RAB35: variants seen among roughly 807,000 people sequenced by gnomAD.
RAB35 encodes ras-related protein Rab-35.
In RAB35, 4 loss-of-function variants were observed where a neutral mutation model predicts 28.9. That is an observed-to-expected ratio of 0.14 (90% CI 0.07 to 0.32). RAB35 has a LOEUF of 0.32. Among genes scored for constraint, RAB35 ranks in the 10% least tolerant of loss-of-function variants. The probability of loss-of-function intolerance (pLI) is 1.00; values close to 1 mark genes in which losing one functional copy is unlikely to be tolerated. For missense variants in RAB35, 128 were observed against 274.0 expected (o/e 0.47, Z 3.76); for synonymous variants, 99 against 105.1 (o/e 0.94, Z 0.35).
chr12:120,097,159 A>G lies in RAB35; in HGVS notation c.*86T>C. Reference sequence around the variant, plus strand: ...GAGAATTCTTTAAATAACGGCACGAAACTGAGACTGTCCCCCGAGGAACCT... The same window carrying G: ...GAGAATTCTTTAAATAACGGCACGAGACTGAGACTGTCCCCCGAGGAACCT... On this transcript the variant is annotated 3_prime_UTR_variant, in exon 6 of 6. Coordinates refer to ENST00000229340, the MANE Select transcript of RAB35 (RefSeq NM_006861.7). 10 of 1,612,642 alleles carry G rather than the reference A, an allele frequency of 6.2e-6. No homozygotes were observed. Among genetic ancestry groups the G allele is most frequent in the Non-Finnish European group, 8.5e-6 (10 of 1,179,522 alleles).
chr12:120,104,613 A>G (rs1821248990), intron 2 of RAB35, among the ~76,000 whole-genome samples: 1 of 152,110 alleles, frequency 6.6e-6, no homozygotes, highest in Admixed American at 6.5e-5. Flanking sequence ...CATTTTAAAT[A>G]GCTCTCTTGC....
At chr12:120,099,944 C>T (rs758095195) in intron 3 of RAB35, among the ~76,000 whole-genome samples, 6 of 152,236 alleles carry the variant, frequency 3.9e-5, no homozygotes, top group African/African-American at 9.6e-5. Flanking sequence ...GCGGCAGCCC[C>T]GCCCCACACT....
intron 2 of RAB35, among the ~76,000 whole-genome samples, chr12:120,106,512 G>A (rs1282400519): frequency 1.3e-5 from 2 of 152,008 alleles, no homozygotes; most frequent in Non-Finnish European, 2.9e-5. Context: ...TGAGATTGCA[G>A]GGACAGTGTC....
chr12:120,108,333 A>G, intron 2 of RAB35, 84 bp downstream of exon 2: 1 of 1,379,478 alleles, frequency 7.2e-7, no homozygotes, highest in Non-Finnish European at 1.0e-6. Flanking sequence ...CATCAGGCAG[A>G]GGCAACTCTG....
In RAB35 at chr12:120,116,683, G is replaced by C. The variant is rs1054734056; in HGVS notation, c.-33C>G. Reference sequence around the variant, plus strand: ...GGGGGCGGTGCGCGCGGGCGGGCGGGGTCGGTACTGGCCTCGCGATCCGCA... The same window carrying C: ...GGGGGCGGTGCGCGCGGGCGGGCGGCGTCGGTACTGGCCTCGCGATCCGCA... On this transcript the variant is annotated 5_prime_UTR_variant, in exon 1 of 6. Coordinates refer to ENST00000229340, the MANE Select transcript of RAB35 (RefSeq NM_006861.7). The C allele has an allele frequency of 4.1e-6, 5 of 1,222,986 alleles. No individual in the cohort carries two copies. The highest frequency in any genetic ancestry group is 2.0e-6 in the Non-Finnish European group (2 of 982,212). The allele number at this position is 1,222,986 out of a possible 1,614,324, so 75.8% of individuals were successfully genotyped here. A position where few individuals can be genotyped will look rare whatever the true frequency, so the allele number is the denominator to read the frequency against.
At chr12:120,099,212 G>A (rs974822711) in intron 3 of RAB35, 58 bp from the exon 4 acceptor site, 142 of 1,606,962 alleles carry the variant, frequency 8.8e-5, no homozygotes, top group Middle Eastern at 1.7e-4. Flanking sequence ...CCCCCTTGCC[G>A]GGACCCACCT....
At chr12:120,107,580 G>A (rs1875937231) in intron 2 of RAB35, among the ~76,000 whole-genome samples, 1 of 152,014 alleles carries the variant, frequency 6.6e-6, no homozygotes, top group Admixed American at 6.6e-5. Flanking sequence ...ACAAGAATAA[G>A]TATCAGCTGG....
intron 3 of RAB35, chr12:120,099,550 T>C (rs886298422): frequency 1.8e-5 from 4 of 224,206 alleles, no homozygotes; most frequent in Admixed American, 5.2e-5. Flanking sequence ...AAAAAAATAT[T>C]TGCTCCTCAA....
intron 1 of RAB35, among the ~76,000 whole-genome samples, chr12:120,112,768 A>G (rs1239289488): frequency 6.8e-6 from 1 of 147,330 alleles, no homozygotes; most frequent in African/African-American, 2.5e-5. Flanking sequence ...TCTGTCACCC[A>G]GGCTGGAGTG....
At chr12:120,106,631 C>T (rs531706077) in intron 2 of RAB35, among the ~76,000 whole-genome samples, 2 of 144,836 alleles carry the variant, frequency 1.4e-5, no homozygotes, top group East Asian at 2.0e-4. Context: ...CTCACTCTGT[C>T]GCCAGGCTGG....
Position 120,099,037 on chromosome 12 carries a change from T to C in RAB35, c.345A>G (p.Arg115=). The stretch of plus-strand genomic sequence containing the variant: ...CCCTGAGTGCAGCCTCACCTAATAT[T>C]CGGCACACATCATCACAGTTCTGGT... ...EINQNCDDVC[R]ILVGNKNDDP... Residue 115 remains arginine, a synonymous_variant, in exon 4 of 6, where the codon CGA becomes CGG. Transcript: ENST00000229340. 1 of 1,614,204 alleles carries C rather than the reference T, an allele frequency of 6.2e-7. No individual in the cohort carries two copies. The highest frequency in any genetic ancestry group is 8.5e-7 in the Non-Finnish European group (1 of 1,180,034).
At chr12:120,104,683 G>T (rs7300023) in intron 2 of RAB35, among the ~76,000 whole-genome samples, 20,374 of 152,020 alleles carry the variant, frequency 0.13, 1,696 homozygotes, top group East Asian at 0.41. Flanking sequence ...TCATTCTGTC[G>T]CCCAGGCTGG....
At chr12:120,105,861 G>C (rs1374162733) in intron 2 of RAB35, among the ~76,000 whole-genome samples, 2 of 146,010 alleles carry the variant, frequency 1.4e-5, no homozygotes, top group African/African-American at 5.2e-5. Flanking sequence ...AGCTTGCAGT[G>C]AGCCAAGATC....
intron 3 of RAB35, among the ~76,000 whole-genome samples, chr12:120,101,050 G>C (rs950093783): frequency 4.6e-5 from 7 of 152,216 alleles, no homozygotes; most frequent in African/African-American, 1.7e-4. Context: ...TGCCTCATCC[G>C]GGGCCCAGGA....
At chr12:120,099,365 G>T (rs1270245626) in intron 3 of RAB35, 8 of 644,884 alleles carry the variant, frequency 1.2e-5, no homozygotes, top group African/African-American at 1.8e-5. Context: ...TGCCCGCCCG[G>T]GGCACCAACA....
intron 1 of RAB35, among the ~76,000 whole-genome samples, chr12:120,110,704 G>A (rs1278970670): frequency 6.6e-6 from 1 of 152,206 alleles, no homozygotes; most frequent in Non-Finnish European, 1.5e-5. Context: ...TCTTCTGGGA[G>A]CTTCTCCTGG....
In RAB35 at chr12:120,096,750, G is replaced by A. The variant is rs771904929; in HGVS notation, c.*495C>T. On this transcript the variant is annotated 3_prime_UTR_variant, in exon 6 of 6. Coordinates refer to ENST00000229340, the MANE Select transcript of RAB35 (RefSeq NM_006861.7). ...CGGGGACAGAGGCTGACAACCTGTCGGAGAGAATGAGCAACGCGGAGCCCA... is the reference window on the plus strand; with the variant it reads ...CGGGGACAGAGGCTGACAACCTGTCAGAGAGAATGAGCAACGCGGAGCCCA... The A allele has an allele frequency of 7.4e-5, 95 of 1,290,098 alleles. No individual in the cohort carries two copies. The highest frequency in any genetic ancestry group is 7.3e-4 in the South Asian group (59 of 81,040). The allele number at this position is 1,290,098 out of a possible 1,614,324, so 79.9% of individuals were successfully genotyped here.
chr12:120,116,041 C>CA (rs1161101871), intron 1 of RAB35, among the ~76,000 whole-genome samples: 1 of 152,220 alleles, frequency 6.6e-6, no homozygotes, highest in African/African-American at 2.4e-5. Context: ...ACGGCAATCC[C>CA]ATGAGGCAGG....
chr12:120,097,522 G>A (rs568082199), intron 5 of RAB35, 149 bp from the exon 6 acceptor site: 3 of 624,638 alleles, frequency 4.8e-6, no homozygotes, highest in East Asian at 5.6e-5. Flanking sequence ...TCTAGAAGGA[G>A]GTGGTGAATT....
Sources: allele counts gnomAD v4.1 joint callset (sites outside exome capture counted in the v4.1 genomes callset), GRCh38; gene constraint gnomAD v4.1.1; transcripts MANE v1.5; gene names NCBI Gene and HGNC (gene_info 2026-07-23, HGNC 2026-07-21).